Variants in CNTNAP2 observed in about 807,000 individuals in gnomAD.
CNTNAP2 encodes the protein contactin associated protein 2.
In CNTNAP2, 98 loss-of-function variants were observed where a neutral mutation model predicts 155.2. That is an observed-to-expected ratio of 0.63 (90% CI 0.54 to 0.75). CNTNAP2 has a LOEUF of 0.75. Ranked by LOEUF, CNTNAP2 falls within the 30% of genes least tolerant of loss-of-function variation. The probability of loss-of-function intolerance (pLI) is 0.00; values close to 1 mark genes in which losing one functional copy is unlikely to be tolerated. For synonymous variants in CNTNAP2, 651 were observed against 631.2 expected (o/e 1.03, Z -0.47); for missense variants, 1,727 against 1,688.1 (o/e 1.02, Z -0.40).
chr7:146,877,520 T>C (rs1398362797), intron 3 of CNTNAP2, among the ~76,000 whole-genome samples: 1 of 151,414 alleles, frequency 6.6e-6, no homozygotes, highest in African/African-American at 2.4e-5. Flanking sequence ...TATATATATA[T>C]ATAAAATATG....
intron 9 of CNTNAP2, among the ~76,000 whole-genome samples, chr7:147,302,218 A>C (rs1794957368): frequency 6.6e-6 from 1 of 152,246 alleles, no homozygotes; most frequent in Non-Finnish European, 1.5e-5. Context: ...CACAGTTGTC[A>C]GTGGGAAAGC....
At chr7:147,299,639 A>G (rs1026218140) in intron 8 of CNTNAP2, among the ~76,000 whole-genome samples, 5 of 152,242 alleles carry the variant, frequency 3.3e-5, no homozygotes, top group Admixed American at 1.3e-4. Flanking sequence ...CAGAAAAATA[A>G]AGATTTTAAA....
chr7:147,832,897 A>G (rs529253720), intron 13 of CNTNAP2, among the ~76,000 whole-genome samples: 2 of 149,224 alleles, frequency 1.3e-5, no homozygotes, highest in Non-Finnish European at 3.0e-5. Flanking sequence ...ATATGTAATT[A>G]GGCTTAATAA....
chr7:148,412,283 C>T (rs1169567312), intron 23 of CNTNAP2, among the ~76,000 whole-genome samples: 1 of 152,214 alleles, frequency 6.6e-6, no homozygotes, highest in Non-Finnish European at 1.5e-5. Context: ...AATGTAAGTT[C>T]TCTAATCCTG....
chr7:148,023,408 A>G (rs1170328500), intron 15 of CNTNAP2, among the ~76,000 whole-genome samples: 3 of 152,194 alleles, frequency 2.0e-5, no homozygotes, highest in African/African-American at 7.2e-5. Context: ...AATTAGTTTA[A>G]ATATTCATCT....
chr7:147,515,399 T>G (rs1799104808), intron 11 of CNTNAP2, among the ~76,000 whole-genome samples: 1 of 146,152 alleles, frequency 6.8e-6, no homozygotes, highest in Non-Finnish European at 1.5e-5. Context: ...CTCGGCTCAC[T>G]GCAACCTCCA....
chr7:148,334,373 G>T (rs953404870), intron 21 of CNTNAP2, among the ~76,000 whole-genome samples: 1 of 152,176 alleles, frequency 6.6e-6, no homozygotes, highest in Non-Finnish European at 1.5e-5. Context: ...ACAGTCAATC[G>T]GGTGGCCTAC....
intron 10 of CNTNAP2, among the ~76,000 whole-genome samples, chr7:147,448,510 C>A (rs1797779900): frequency 2.5e-5 from 3 of 119,844 alleles, no homozygotes; most frequent in Admixed American, 8.5e-5. Context: ...ATATATGCAC[C>A]CCCATTGTTT....
chr7:147,131,806 C>G (rs1563087802), intron 7 of CNTNAP2, among the ~76,000 whole-genome samples: 1 of 151,868 alleles, frequency 6.6e-6, no homozygotes, highest in South Asian at 2.1e-4. Flanking sequence ...CCACTGAGAC[C>G]AGAGTAATAT....
At chr7:146,903,961 A>T (rs1796061685) in intron 3 of CNTNAP2, among the ~76,000 whole-genome samples, 1 of 152,250 alleles carries the variant, frequency 6.6e-6, no homozygotes, top group African/African-American at 2.4e-5. Context: ...AAAACATCAC[A>T]TTGTACACCG....
At chr7:146,135,873 T>A (rs1584766474) in intron 1 of CNTNAP2, among the ~76,000 whole-genome samples, 1 of 152,116 alleles carries the variant, frequency 6.6e-6, no homozygotes, top group Admixed American at 6.6e-5. Flanking sequence ...CTTGTCTCTC[T>A]ATGTTCAAGC....
At chr7:147,350,242 T>C (rs2116876845) in intron 9 of CNTNAP2, among the ~76,000 whole-genome samples, 1 of 152,052 alleles carries the variant, frequency 6.6e-6, no homozygotes, top group South Asian at 2.1e-4. Context: ...AATTCTTCAG[T>C]GCATTTTCTA....
At chr7:146,863,512 T>C (rs1418964402) in intron 3 of CNTNAP2, among the ~76,000 whole-genome samples, 5 of 152,040 alleles carry the variant, frequency 3.3e-5, no homozygotes, top group Non-Finnish European at 5.9e-5. Context: ...AGAATAGCCT[T>C]GATTCAAAAT....
At chr7:147,703,869 C>A (rs189242290) in intron 13 of CNTNAP2, among the ~76,000 whole-genome samples, 1 of 152,208 alleles carries the variant, frequency 6.6e-6, no homozygotes, top group Non-Finnish European at 1.5e-5. Context: ...CATGCACACA[C>A]CCTTCCCAGC....
chr7:148,203,995 G>A (rs1291882696), intron 18 of CNTNAP2, among the ~76,000 whole-genome samples: 1 of 152,210 alleles, frequency 6.6e-6, no homozygotes, highest in Non-Finnish European at 1.5e-5. Flanking sequence ...TAAGAGTCCA[G>A]AAACCCTGTG....
intron 2 of CNTNAP2, among the ~76,000 whole-genome samples, chr7:146,810,299 C>CTTTTTTTTTT (rs58947235): frequency 1.1e-5 from 1 of 93,544 alleles, no homozygotes; most frequent in African/African-American, 3.1e-5. Context: ...CTCTAGCTTT[C>CTTTTTTTTTT]TTTTTTTTTT....
intron 12 of CNTNAP2, among the ~76,000 whole-genome samples, chr7:147,598,292 C>T (rs762279346): frequency 2.0e-5 from 3 of 152,026 alleles, no homozygotes; most frequent in South Asian, 2.1e-4. Flanking sequence ...TTTTAAATCC[C>T]GCATGTATTA....
intron 3 of CNTNAP2, among the ~76,000 whole-genome samples, chr7:147,006,237 G>T (rs753368326): frequency 2.0e-5 from 3 of 152,028 alleles, no homozygotes; most frequent in African/African-American, 7.2e-5. Context: ...TACTAGTTGG[G>T]AAAGTGGCTA....
At chr7:147,347,253 G>A (rs1795879825) in intron 9 of CNTNAP2, among the ~76,000 whole-genome samples, 2 of 151,670 alleles carry the variant, frequency 1.3e-5, no homozygotes, top group African/African-American at 4.8e-5. Flanking sequence ...GGTAGTTGTA[G>A]GTCAATCTTG....
Sources: allele counts gnomAD v4.1 joint callset (sites outside exome capture counted in the v4.1 genomes callset), GRCh38; gene constraint gnomAD v4.1.1; transcripts MANE v1.5; gene names NCBI Gene and HGNC (gene_info 2026-07-23, HGNC 2026-07-21).